WWP2: variants seen among roughly 807,000 people sequenced by gnomAD.
The protein encoded by WWP2 is WW domain containing E3 ubiquitin protein ligase 2, also known as NEDD4-like E3 ubiquitin-protein ligase WWP2.
In WWP2, 57 loss-of-function variants were observed where a neutral mutation model predicts 121.0. The observed-to-expected ratio is 0.47, with a 90% CI of 0.38 to 0.59. The LOEUF (loss-of-function observed/expected upper bound fraction) is 0.59. Ranked by LOEUF, WWP2 falls within the 20% of genes least tolerant of loss-of-function variation. WWP2 has a pLI of 0.00. For synonymous variants in WWP2, 449 were observed against 441.3 expected, an observed-to-expected ratio of 1.02 and a Z score of -0.22; for missense variants, 962 against 1,158.9, an observed-to-expected ratio of 0.83 and a Z score of 2.47.
rs182311713 is a variant in WWP2 at position 69,888,060 on chromosome 16, C to A, written c.725C>A (p.Ala242Asp). ...NGTVNDEPTT[A>D]TDPEEPSVVG... ...TCAGTGAATGATGAACCCACAACAG[C>A]CACTGATCCCGAAGAACCTTCCGTT... is the stretch of plus-strand genomic sequence containing the variant. Residue 242 changes from alanine (A) to aspartate (D), a missense_variant, in exon 8 of 24, where the codon GCC (alanine) becomes GAC (aspartate). Transcript: ENST00000359154. The A allele has an allele frequency of 1.5e-4, 237 of 1,614,100 alleles. No individual in the cohort carries two copies. The highest frequency in any genetic ancestry group is 1.9e-4 in the Non-Finnish European group (226 of 1,180,036).
intron 19 of WWP2, 113 bp downstream of exon 19, chr16:69,936,565 C>A (rs1490315135): frequency 2.0e-6 from 3 of 1,469,130 alleles, no homozygotes; most frequent in Non-Finnish European, 2.8e-6. Flanking sequence ...ATGCCATTTG[C>A]ATTTGCCTTG....
chr16:69,856,246 T>C (rs6499263), intron 6 of WWP2, among the ~76,000 whole-genome samples: 103,205 of 152,052 alleles, frequency 0.68, 36,709 homozygotes, highest in East Asian at 0.9. Context: ...TATAACATCC[T>C]GGAAAAGGCA....
At chr16:69,887,950 A>G (rs1284394586) in intron 7 of WWP2, 89 bp from the exon 8 acceptor site, 10 of 1,480,916 alleles carry the variant, frequency 6.8e-6, no homozygotes, top group Non-Finnish European at 3.7e-6. Flanking sequence ...TGTAGATACC[A>G]TGTTAGCCTA....
At chr16:69,920,916 C>T (rs1184628421) in intron 10 of WWP2, among the ~76,000 whole-genome samples, 3 of 152,194 alleles carry the variant, frequency 2.0e-5, no homozygotes, top group Non-Finnish European at 4.4e-5. Flanking sequence ...CTGGAGCTCA[C>T]ATCTGCCTGG....
chr16:69,814,900 G>C (rs2056460625), intron 4 of WWP2, among the ~76,000 whole-genome samples: 1 of 152,150 alleles, frequency 6.6e-6, no homozygotes. Context: ...CTTGGAACTT[G>C]AGTCAGTGGG....
At chr16:69,895,954 A>G (rs1325602098) in intron 8 of WWP2, among the ~76,000 whole-genome samples, 1 of 152,092 alleles carries the variant, frequency 6.6e-6, no homozygotes, top group Non-Finnish European at 1.5e-5. Flanking sequence ...GGATTGTTAC[A>G]TGCTTAGGTC....
chr16:69,803,421 T>C (rs1287218836), intron 4 of WWP2, among the ~76,000 whole-genome samples: 1 of 152,204 alleles, frequency 6.6e-6, no homozygotes, highest in Non-Finnish European at 1.5e-5. Flanking sequence ...TTAGCAATAG[T>C]GACATGAATT....
chr16:69,815,863 C>G (rs1439090088), intron 4 of WWP2, among the ~76,000 whole-genome samples: 1 of 150,904 alleles, frequency 6.6e-6, no homozygotes, highest in African/African-American at 2.4e-5. Flanking sequence ...AATTTCCTTT[C>G]TCTGCTTTAT....
chr16:69,799,269 A>G lies in WWP2; in HGVS notation c.314A>G (p.Asn105Ser), dbSNP rs1444002159. 2 of 1,614,062 alleles carry G rather than the reference A, an allele frequency of 1.2e-6. No individual in the cohort carries two copies. The highest frequency in any genetic ancestry group is 1.7e-5 in the Admixed American group (1 of 59,996). Reference protein sequence around the residue: ...LLGTASVNLSNVLKNNGGKME... With the variant: ...LLGTASVNLSSVLKNNGGKME... ...GGCACCGCATCTGTCAACCTCTCCAACGTCTTGAAGAACAATGGGGGCAAA... is the reference window on the plus strand; with the variant it reads ...GGCACCGCATCTGTCAACCTCTCCAGCGTCTTGAAGAACAATGGGGGCAAA... Residue 105 changes from asparagine (N) to serine (S), a missense_variant, in exon 4 of 24, where the codon AAC (asparagine) becomes AGC (serine). Physicochemically the swap from Asn to Ser is conservative, Grantham distance 46. Around this residue, in one of 3 missense-constraint regions of WWP2, gnomAD observed 145 missense variants for 189.8 expected, o/e 0.76. Coordinates refer to ENST00000359154, the MANE Select transcript of WWP2 (RefSeq NM_001270454.2). The surrounding 1 kb of genome is among the most constrained non-coding windows in gnomAD (Gnocchi z 4.5).
intron 1 of WWP2, among the ~76,000 whole-genome samples, chr16:69,765,892 G>C (rs1305866716): frequency 6.6e-6 from 1 of 152,042 alleles, no homozygotes; most frequent in Non-Finnish European, 1.5e-5. Context: ...TGAACACTTG[G>C]CCTCAAGACA....
intron 4 of WWP2, among the ~76,000 whole-genome samples, chr16:69,815,256 G>A (rs550472096): frequency 1.3e-5 from 2 of 152,168 alleles, no homozygotes; most frequent in South Asian, 2.1e-4. Flanking sequence ...GGCCATCTTG[G>A]CCTCCCAAAG....
chr16:69,859,779 C>G (rs749197211), intron 6 of WWP2, among the ~76,000 whole-genome samples: 2 of 151,800 alleles, frequency 1.3e-5, no homozygotes, highest in Non-Finnish European at 2.9e-5. Context: ...TTGAATCTCT[C>G]TGATTTTCTC....
intron 8 of WWP2, among the ~76,000 whole-genome samples, chr16:69,890,184 CT>C (rs2058001059): frequency 6.6e-6 from 1 of 150,770 alleles, no homozygotes; most frequent in African/African-American, 2.4e-5. Flanking sequence ...GCTTAAGCCA[CT>C]TTCAAAAACC....
At chr16:69,889,935 C>G (rs527278736) in intron 8 of WWP2, among the ~76,000 whole-genome samples, 14 of 152,164 alleles carry the variant, frequency 9.2e-5, no homozygotes, top group Admixed American at 2.0e-4. Flanking sequence ...TCTCTTTATT[C>G]TATTATTAAG....
intron 13 of WWP2, among the ~76,000 whole-genome samples, chr16:69,930,871 C>T (rs1321209373): frequency 6.6e-6 from 1 of 152,154 alleles, no homozygotes; most frequent in Non-Finnish European, 1.5e-5. Context: ...GACCCCGTCT[C>T]TAGAAAACGA....
chr16:69,913,964 C>A (rs1398532038), intron 9 of WWP2, among the ~76,000 whole-genome samples: 1 of 150,804 alleles, frequency 6.6e-6, no homozygotes, highest in Non-Finnish European at 1.5e-5. Context: ...CCCAGCTACT[C>A]GCGAGGCTGA....
chr16:69,828,958 G>C (rs1255488338), intron 4 of WWP2, among the ~76,000 whole-genome samples: 1 of 152,050 alleles, frequency 6.6e-6, no homozygotes, highest in African/African-American at 2.4e-5. Flanking sequence ...CCTGACAGGT[G>C]TTTCCCTGTC....
chr16:69,775,670 A>C (rs952383726), intron 1 of WWP2, among the ~76,000 whole-genome samples: 1 of 151,828 alleles, frequency 6.6e-6, no homozygotes, highest in Admixed American at 6.6e-5. Context: ...TGCTTGCTTT[A>C]TTTCTTTTTC....
In WWP2 at chr16:69,848,333, C is replaced by T. The variant is rs1242126933; in HGVS notation, c.575+6213C>T. Among the ~76,000 whole-genome samples the T allele has an allele frequency of 2.6e-5, 4 of 152,114 alleles. No homozygotes were observed. In the East Asian group the frequency reaches 7.7e-4, roughly 29 times the overall value. On this transcript the variant is annotated intron_variant, in intron 6 of 23. Coordinates refer to ENST00000359154, the MANE Select transcript of WWP2 (RefSeq NM_001270454.2). ...GGCGTGGTGGCGCATGCCTGTAATC[C>T]CGGCTACGTGGGGAGCTGAGGCAGG...
Sources: allele counts gnomAD v4.1 joint callset (sites outside exome capture counted in the v4.1 genomes callset), GRCh38; gene constraint gnomAD v4.1.1; regional missense constraint gnomAD v4.1.1; non-coding constraint Gnocchi (gnomAD v3.1); transcripts MANE v1.5; gene names NCBI Gene and HGNC (gene_info 2026-07-23, HGNC 2026-07-21).